Variants in PLCL1 observed in about 807,000 individuals in gnomAD.
PLCL1 encodes the protein phospholipase C like 1 (inactive).
PLCL1 carries 41 observed loss-of-function variants against 84.4 expected under a neutral mutation model. That is an observed-to-expected ratio of 0.49 (90% confidence interval 0.38 to 0.63). The LOEUF is 0.63. Ranked by LOEUF, PLCL1 falls within the 30% of genes least tolerant of loss-of-function variation. The pLI is 0.00. For missense variants in PLCL1, 1,206 were observed against 1,367.8 expected, an observed-to-expected ratio of 0.88 and a Z score of 1.87; for synonymous variants, 490 against 488.3, an observed-to-expected ratio of 1.00 and a Z score of -0.05.
chr2:197,807,689 G>A (rs1417984896), intron 1 of PLCL1, among the ~76,000 whole-genome samples: 2 of 152,076 alleles, frequency 1.3e-5, no homozygotes, highest in Non-Finnish European at 2.9e-5. Context: ...TTTGCCAAGA[G>A]ATTTTTTTTT....
intron 3 of PLCL1, among the ~76,000 whole-genome samples, chr2:198,099,936 T>G (rs1235179625): frequency 1.3e-5 from 2 of 152,164 alleles, no homozygotes; most frequent in Admixed American, 6.6e-5. Flanking sequence ...ATGCTTATTT[T>G]TCAGTACTTA....
At chr2:198,074,990 C>T (rs892744672) in intron 1 of PLCL1, among the ~76,000 whole-genome samples, 1 of 152,166 alleles carries the variant, frequency 6.6e-6, no homozygotes, top group African/African-American at 2.4e-5. Context: ...TATAACAATA[C>T]ATTGAAAGAG....
At chr2:197,950,488 A>G (rs1574964817) in intron 1 of PLCL1, among the ~76,000 whole-genome samples, 1 of 152,278 alleles carries the variant, frequency 6.6e-6, no homozygotes, top group East Asian at 1.9e-4. Flanking sequence ...GCATGATCAG[A>G]TAGATTTAAA....
intron 1 of PLCL1, among the ~76,000 whole-genome samples, chr2:198,048,916 G>A (rs1001245384): frequency 4.6e-5 from 7 of 152,228 alleles, no homozygotes; most frequent in African/African-American, 1.4e-4. Context: ...TCAGCAATGA[G>A]CATGGTTTGT....
At chr2:198,036,539 G>T (rs899746098) in intron 1 of PLCL1, among the ~76,000 whole-genome samples, 1 of 152,188 alleles carries the variant, frequency 6.6e-6, no homozygotes, top group African/African-American at 2.4e-5. Flanking sequence ...GGGGGCAAAT[G>T]AGACTTTTGG....
intron 5 of PLCL1, among the ~76,000 whole-genome samples, chr2:198,125,066 C>T (rs1574329870): frequency 6.6e-6 from 1 of 152,264 alleles, no homozygotes; most frequent in Non-Finnish European, 1.5e-5. Context: ...CTGAAAGTTT[C>T]ACCAGAGAAT....
intron 5 of PLCL1, among the ~76,000 whole-genome samples, chr2:198,123,534 T>C (rs1047318442): frequency 6.6e-6 from 1 of 151,922 alleles, no homozygotes; most frequent in East Asian, 1.9e-4. Context: ...TGTGAAGACA[T>C]AGGGAAAAGA....
chr2:198,125,994 T>C (rs189467253), intron 5 of PLCL1, among the ~76,000 whole-genome samples: 1 of 152,308 alleles, frequency 6.6e-6, no homozygotes, highest in East Asian at 1.9e-4. Context: ...ATATTTTCTT[T>C]AGTGGAATAT....
At chr2:197,843,705 T>C (rs1559022379) in intron 1 of PLCL1, among the ~76,000 whole-genome samples, 2 of 152,138 alleles carry the variant, frequency 1.3e-5, no homozygotes, top group Non-Finnish European at 2.9e-5. Flanking sequence ...TGGTTGTCCT[T>C]CCCAAAACTT....
chr2:198,142,967 A>G (rs1694424152), intron 5 of PLCL1, among the ~76,000 whole-genome samples: 1 of 151,962 alleles, frequency 6.6e-6, no homozygotes, highest in African/African-American at 2.4e-5. Flanking sequence ...TCCTAAACTT[A>G]TTTTAGTATA....
intron 1 of PLCL1, among the ~76,000 whole-genome samples, chr2:197,937,960 A>G (rs970656107): frequency 6.6e-6 from 1 of 152,170 alleles, no homozygotes. Flanking sequence ...TGTGCATTGT[A>G]CTTGGGACCT....
intron 1 of PLCL1, among the ~76,000 whole-genome samples, chr2:198,020,547 C>T (rs1246655500): frequency 1.3e-5 from 2 of 149,818 alleles, no homozygotes; most frequent in East Asian, 3.9e-4. Flanking sequence ...GGAATATTTA[C>T]CAAGCAAATG....
chr2:197,861,579 C>T (rs1687434814), intron 1 of PLCL1, among the ~76,000 whole-genome samples: 1 of 152,098 alleles, frequency 6.6e-6, no homozygotes, highest in Non-Finnish European at 1.5e-5. Context: ...GTAAAATAAC[C>T]TGGAATTTGC....
intron 1 of PLCL1, among the ~76,000 whole-genome samples, chr2:198,032,708 G>T (rs527776845): frequency 6.6e-6 from 1 of 152,026 alleles, no homozygotes; most frequent in South Asian, 2.1e-4. Flanking sequence ...TTTCTTAAAT[G>T]GCTTTTGATT....
chr2:198,114,403 CA>C (rs1173530808), intron 5 of PLCL1, among the ~76,000 whole-genome samples: 1 of 151,408 alleles, frequency 6.6e-6, no homozygotes, highest in Admixed American at 6.6e-5. Context: ...CTGAATAATT[CA>C]AAAGTGGCAG....
At chr2:197,881,459 C>T (rs1687826262) in intron 1 of PLCL1, among the ~76,000 whole-genome samples, 2 of 151,902 alleles carry the variant, frequency 1.3e-5, no homozygotes, top group Admixed American at 1.3e-4. Context: ...GGACTAGCTT[C>T]ATGGTTTTTG....
intron 1 of PLCL1, among the ~76,000 whole-genome samples, chr2:197,998,783 A>G (rs1376741326): frequency 6.6e-6 from 1 of 152,114 alleles, no homozygotes; most frequent in Non-Finnish European, 1.5e-5. Context: ...GGATTCACCC[A>G]ATCCAAGGTG....
chr2:198,077,824 C>G (rs1008204342), intron 1 of PLCL1, among the ~76,000 whole-genome samples: 8 of 152,240 alleles, frequency 5.3e-5, no homozygotes, highest in African/African-American at 1.9e-4. Context: ...TATTTCATAC[C>G]TCATTTAGTA....
At chr2:198,000,886 T>C (rs754051732) in intron 1 of PLCL1, among the ~76,000 whole-genome samples, 1 of 152,142 alleles carries the variant, frequency 6.6e-6, no homozygotes, top group Non-Finnish European at 1.5e-5. Flanking sequence ...GAGCGGATAG[T>C]TGATTTATGA....
Sources: gnomAD v4.1 joint callset for allele counts (sites outside exome capture counted in the v4.1 genomes callset) on GRCh38, gnomAD v4.1.1 for gene constraint, MANE v1.5 for transcripts, NCBI Gene and HGNC (gene_info 2026-07-23, HGNC 2026-07-21) for gene names.